Variants in CEP290 observed in about 807,000 individuals in gnomAD.
CEP290 encodes centrosomal protein of 290 kDa.
Under a neutral mutation model 344.9 loss-of-function variants are expected in CEP290, and 317 were observed. The ratio of observed to expected loss-of-function variants is 0.92; its 90% CI spans 0.84 to 1.01. CEP290 has a LOEUF of 1.01. CEP290 is among the 50% of genes least tolerant of loss of function. The probability of loss-of-function intolerance (pLI) is 0.00; values close to 1 mark genes in which losing one functional copy is unlikely to be tolerated. For missense variants in CEP290, 2,754 were observed against 2,761.4 expected (o/e 1.00, Z 0.06); for synonymous variants, 932 against 895.8 (o/e 1.04, Z -0.72).
intron 47 of CEP290, among the ~76,000 whole-genome samples, chr12:88,060,464 G>T (rs1461101299): frequency 6.6e-6 from 1 of 152,116 alleles, no homozygotes; most frequent in Non-Finnish European, 1.5e-5. Flanking sequence ...GGAGGCTGAG[G>T]CAGGAGAATG....
intron 53 of CEP290, chr12:88,050,145 T>C: frequency 2.6e-6 from 1 of 387,700 alleles, no homozygotes; most frequent in Non-Finnish European, 4.5e-6. Context: ...AAAAATAAAT[T>C]TACTACTTAA....
rs1035401352 is a variant in CEP290 at position 88,136,575 on chromosome 12, T to C, written c.441+68A>G. 6.3e-6 allele frequency: 9 copies of C among 1,437,266 alleles called. No homozygotes were observed. The African/African-American group carries it at 1.1e-4, about 18-fold the overall frequency. 89.0% of individuals were successfully genotyped at this position (1,437,266 alleles called of 1,614,324 possible). A position where few individuals can be genotyped will look rare whatever the true frequency, so the allele number is the denominator to read the frequency against. On this transcript the variant is annotated intron_variant, in intron 6 of 53. Transcript: ENST00000552810. ...ACATACAATATAAAAATTGATATTG[T>C]TACCAATAATAATAAAAAGCCAGGT...
At position 88,062,685 on chromosome 12, in the gene CEP290, C is replaced by T. The variant is rs1218120001; in HGVS notation, c.6357+7G>A. 1.3e-6 allele frequency: 2 copies of T among 1,584,070 alleles called. No homozygotes were observed. Among genetic ancestry groups the T allele is most frequent in the Admixed American group, 3.4e-5 (2 of 58,340 alleles). On this transcript the variant is annotated splice_region_variant and intron_variant, in intron 46 of 53. Transcript: ENST00000552810. The stretch of plus-strand genomic sequence containing the variant: ...CCAAAACAAATGTATGGTAAATTCT[C>T]ACATACCCCTCTAACATGGCCAAGT...
chr12:88,078,744 C>G (rs2035969503), intron 39 of CEP290, among the ~76,000 whole-genome samples: 1 of 151,922 alleles, frequency 6.6e-6, no homozygotes, highest in African/African-American at 2.4e-5. Context: ...AGGAGATATA[C>G]AGGAAATCTC....
In CEP290 at chr12:88,089,237, C is replaced by G; in HGVS notation, c.3824G>C (p.Ser1275Thr). 1 of 1,613,886 alleles carries G rather than the reference C, an allele frequency of 6.2e-7. No homozygotes were observed. The highest frequency in any genetic ancestry group is 8.5e-7 in the Non-Finnish European group (1 of 1,179,820). The part of the protein sequence containing the change: ...QTIQSLRRQF[S>T]GALPLAQQEK... ...CTGTTGTGCCAAGGGTAAAGCTCCA[C>G]TAAACTGTCGTCGTAGAGACTGAAT... Residue 1275 changes from serine (S) to threonine (T), a missense_variant, in exon 31 of 54, where the codon AGT becomes ACT. Ser to Thr is a moderately conservative substitution (Grantham distance 58). Coordinates refer to ENST00000552810, the MANE Select transcript of CEP290 (RefSeq NM_025114.4).
chr12:88,125,324 C>T lies in CEP290; in HGVS notation c.1111G>A (p.Val371Ile), dbSNP rs2138002338. The T allele has an allele frequency of 7.6e-7, 1 of 1,317,262 alleles. No individual in the cohort carries two copies. Among genetic ancestry groups the T allele is most frequent in the Non-Finnish European group, 1.0e-6 (1 of 1,002,548 alleles). The allele number at this position is 1,317,262 out of a possible 1,614,324, so 81.6% of individuals were successfully genotyped here. ...DSQIKMLTEQ[V>I]EQYTKEMEKN... ...TCCATTTCTTTTGTATATTGTTCTA[C>T]TTGTTCGGTGAGCATCTTAATTTGA... Residue 371 changes from valine (V) to isoleucine (I), a missense_variant, in exon 13 of 54, where the codon GTA becomes ATA. Coordinates refer to ENST00000552810, the MANE Select transcript of CEP290 (RefSeq NM_025114.4).
rs756488924 is a variant in CEP290 at position 88,090,767 on chromosome 12, C to T, written c.3534G>A (p.Lys1178=). 9.6e-6 allele frequency: 15 copies of T among 1,562,880 alleles called. No individual in the cohort carries two copies. Among genetic ancestry groups the T allele is most frequent in the Non-Finnish European group, 1.3e-5 (15 of 1,151,450 alleles). The change falls in exon 30 of 54, where the codon AAG becomes AAA. Residue 1178 remains lysine (K), a synonymous_variant. Coordinates refer to ENST00000552810, the MANE Select transcript of CEP290 (RefSeq NM_025114.4). ...ILNAQQQSRD[K]EVESLRMQLL... is the part of the protein sequence containing the mutation. ...GTTGCATTCTGAGGGACTCTACTTC[C>T]TTGTCCCTAGATTGTTGTTGTGCAT...
intron 26 of CEP290, among the ~76,000 whole-genome samples, chr12:88,102,409 C>G (rs1392341265): frequency 6.6e-6 from 1 of 152,110 alleles, no homozygotes; most frequent in Non-Finnish European, 1.5e-5. Flanking sequence ...GGAACAAAAG[C>G]CAGGGACCAT....
chr12:88,130,705 T>A (rs1318738907), intron 7 of CEP290, 140 bp from the exon 8 acceptor site: 1 of 563,226 alleles, frequency 1.8e-6, no homozygotes, highest in Non-Finnish European at 2.9e-6. Flanking sequence ...GAAAGAATAC[T>A]AATTATCTAC....
At chr12:88,122,085 G>A (rs117938134) in intron 13 of CEP290, among the ~76,000 whole-genome samples, 2,444 of 152,064 alleles carry the variant, frequency 0.016, 26 homozygotes, top group East Asian at 0.024. Flanking sequence ...ATTGGACTTA[G>A]GCATAAAACT....
rs2035399616 is a variant in CEP290 at position 88,071,836 on chromosome 12, CCT to C, written c.5798_5799del (p.Glu1933GlyfsTer22). 1 of 1,604,302 alleles carries C rather than the reference CCT, an allele frequency of 6.2e-7. No homozygotes were observed. The highest frequency in any genetic ancestry group is 1.3e-5 in the African/African-American group (1 of 74,576). On this transcript the variant is annotated frameshift_variant, in exon 42 of 54. Coordinates refer to ENST00000552810, the MANE Select transcript of CEP290 (RefSeq NM_025114.4). LOFTEE classifies it high-confidence loss of function. ...EGIRNKLKEK[E>X]GEVFTLTKQL... The stretch of plus-strand genomic sequence containing the variant: ...TGCTTTGTTAAAGTAAAGACTTCCC[CCT>C]CTTTCTCTTTTAACTTGTTTCGAAT...
In CEP290 at chr12:88,077,807, G is replaced by A; in HGVS notation, c.5476C>T (p.Leu1826=). Residue 1826 remains leucine, a synonymous_variant, in exon 40 of 54, where the codon CTG becomes TTG. Coordinates refer to ENST00000552810, the MANE Select transcript of CEP290 (RefSeq NM_025114.4). Reference sequence around the variant, plus strand: ...TTATAGGCTTTTTGTTTCTTTTGCAGTTCATTATTTAAGTCATTCAAATTA... The same window carrying A: ...TTATAGGCTTTTTGTTTCTTTTGCAATTCATTATTTAAGTCATTCAAATTA... ...TDNLNDLNNE[L]QKKQKAYNKI... 1.3e-6 allele frequency: 2 copies of A among 1,546,094 alleles called. No homozygotes were observed. The highest frequency in any genetic ancestry group is 1.8e-6 in the Non-Finnish European group (2 of 1,131,486).
At chr12:88,055,764 T>C in intron 49 of CEP290, 47 bp from the exon 50 acceptor site, 2 of 1,283,472 alleles carry the variant, frequency 1.6e-6, no homozygotes, top group South Asian at 1.5e-5. Flanking sequence ...ATAATTTATG[T>C]CACTGATTTA....
At chr12:88,050,970 C>T (rs2033451606) in intron 52 of CEP290, among the ~76,000 whole-genome samples, 2 of 152,088 alleles carry the variant, frequency 1.3e-5, no homozygotes. Context: ...CCAAATATAG[C>T]ACAAAAGTTC....
intron 49 of CEP290, 72 bp from the exon 50 acceptor site, chr12:88,055,789 T>A: frequency 9.6e-7 from 1 of 1,038,216 alleles, no homozygotes; most frequent in Non-Finnish European, 1.4e-6. Flanking sequence ...TCAGTTCAAA[T>A]AACTGTACTA....
chr12:88,049,681 T>G, intron 53 of CEP290: 2 of 269,256 alleles, frequency 7.4e-6, no homozygotes, highest in Non-Finnish European at 1.4e-5. Context: ...GGACTTAATC[T>G]TTCTCTAAAA....
At chr12:88,116,972 TCAA>T in intron 18 of CEP290, 58 bp downstream of exon 18, 1 of 703,614 alleles carries the variant, frequency 1.4e-6, no homozygotes, top group Non-Finnish European at 2.2e-6. Context: ...AGACTCCGTC[TCAA>T]AAAAAAAAAA....
chr12:88,080,029 AAAT>A (rs1288825075), intron 38 of CEP290, among the ~76,000 whole-genome samples, 150 bp downstream of exon 38: 1 of 152,180 alleles, frequency 6.6e-6, no homozygotes, highest in African/African-American at 2.4e-5. Flanking sequence ...GCATTGTCTA[AAAT>A]ACCTTGTTTA....
intron 36 of CEP290, among the ~76,000 whole-genome samples, chr12:88,083,433 G>A (rs557199698): frequency 1.0e-3 from 153 of 152,306 alleles, no homozygotes; most frequent in African/African-American, 3.4e-3. Flanking sequence ...ATGTCTGCAC[G>A]TAGCAGGAGA....
Sources: allele counts gnomAD v4.1 joint callset (sites outside exome capture counted in the v4.1 genomes callset), GRCh38; gene constraint gnomAD v4.1.1; transcripts MANE v1.5; gene names NCBI Gene and HGNC (gene_info 2026-07-23, HGNC 2026-07-21).